The following MTMR8 variants were observed in gnomAD, a reference collection of about 807,000 sequenced individuals.
MTMR8 encodes the protein phosphatidylinositol-3,5-bisphosphate 3-phosphatase MTMR8.
MTMR8 carries 65 observed loss-of-function variants against 39.3 expected under a neutral mutation model. The observed-to-expected ratio is 1.65, with a 90% CI of 1.35 to 2.03. The LOEUF is 2.03. Ranked by LOEUF, MTMR8 falls within the 30% of genes most tolerant of loss-of-function variation. The probability of loss-of-function intolerance (pLI) is 0.00; values close to 1 mark genes in which losing one functional copy is unlikely to be tolerated. For synonymous variants in MTMR8, 245 were observed against 185.2 expected (o/e 1.32, Z -2.62); for missense variants, 777 against 538.9 (o/e 1.44, Z -4.37).
intron 12 of MTMR8, among the ~76,000 whole-genome samples, chrX:64,318,143 T>C (rs754662306): frequency 1.4e-4 from 16 of 112,245 alleles, no homozygotes; most frequent in African/African-American, 3.2e-4. Context: ...ACTTTCCATA[T>C]GGTCTCCACT....
intron 1 of MTMR8, among the ~76,000 whole-genome samples, chrX:64,362,718 T>C (rs1432875436): frequency 3.6e-5 from 4 of 110,264 alleles, no homozygotes; most frequent in Non-Finnish European, 5.7e-5. Flanking sequence ...TATCTATATG[T>C]AACTCTTACA....
In MTMR8 at chrX:64,352,375, C is replaced by T. The variant is rs774241778; in HGVS notation, c.469-2305G>A. 2.7e-5 allele frequency among the ~76,000 whole-genome samples: 3 copies of T among 111,442 alleles called. No homozygotes were observed. The East Asian group carries it at 8.5e-4, about 32-fold the overall frequency. On this transcript the variant is annotated intron_variant, in intron 4 of 13. Coordinates refer to ENST00000374852, the MANE Select transcript of MTMR8 (RefSeq NM_017677.4). ...TTTGGATCCTTTCACGGTAATAAAT[C>T]ACAGTCATAAGTATGACTATACACC... is the stretch of plus-strand genomic sequence containing the variant.
intron 1 of MTMR8, among the ~76,000 whole-genome samples, chrX:64,367,700 A>G: frequency 8.9e-6 from 1 of 112,184 alleles, no homozygotes; most frequent in Non-Finnish European, 1.9e-5. Context: ...AAACTGGCAC[A>G]ACACAGGGAT....
rs1173198667 is a variant in MTMR8, at chrX:64,302,039, C to G, written c.1481+26733G>C. The stretch of plus-strand genomic sequence containing the variant: ...TTTTTGTTTGTCTGTGCCCTGCCCC[C>G]AGAGGTGGAGCCTACAGAGGCAGGC... On this transcript the variant is annotated intron_variant, in intron 12 of 13. Transcript: ENST00000374852. Among the ~76,000 whole-genome samples the G allele has an allele frequency of 2.7e-5, 3 of 112,776 alleles. No individual in the cohort carries two copies. The East Asian group carries it at 8.4e-4, about 32-fold the overall frequency.
At chrX:64,384,239 C>T (rs1924502810) in intron 1 of MTMR8, among the ~76,000 whole-genome samples, 1 of 112,093 alleles carries the variant, frequency 8.9e-6, no homozygotes, top group Non-Finnish European at 1.9e-5. Flanking sequence ...TGCATCTCTG[C>T]CCCTGTGGTT....
intron 12 of MTMR8, among the ~76,000 whole-genome samples, chrX:64,307,667 A>T (rs755723663): frequency 3.9e-4 from 44 of 111,724 alleles, no homozygotes; most frequent in African/African-American, 1.4e-3. Context: ...AAATTGTCTT[A>T]GCTATTCTAC....
intron 12 of MTMR8, chrX:64,306,573 G>C (rs1922126463): frequency 8.6e-6 from 1 of 115,866 alleles, no homozygotes; most frequent in Admixed American, 9.5e-5. Flanking sequence ...AGTCTTCACA[G>C]GTATCTTCAT....
chrX:64,395,232 A>C, intron 1 of MTMR8, 108 bp downstream of exon 1: 1 of 828,047 alleles, frequency 1.2e-6, no homozygotes, highest in Non-Finnish European at 1.8e-6. Context: ...CCCCACAGGA[A>C]AGACGCGTCA....
At chrX:64,282,677 T>A (rs1002319556) in intron 12 of MTMR8, among the ~76,000 whole-genome samples, 4 of 111,448 alleles carry the variant, frequency 3.6e-5, no homozygotes, top group African/African-American at 1.3e-4. Flanking sequence ...AGCAATCTTA[T>A]ATCACAGATA....
At chrX:64,285,827 T>C (rs1278076068) in intron 12 of MTMR8, among the ~76,000 whole-genome samples, 1 of 109,672 alleles carries the variant, frequency 9.1e-6, no homozygotes, top group Non-Finnish European at 1.9e-5. Context: ...TTCAAAGCAG[T>C]GTGTAGAGGG....
At chrX:64,375,047 CAAAAAA>C (rs34716248) in intron 1 of MTMR8, among the ~76,000 whole-genome samples, 1 of 55,995 alleles carries the variant, frequency 1.8e-5, no homozygotes, top group African/African-American at 5.4e-5. Flanking sequence ...TTGTTTTAAG[CAAAAAA>C]AAAAAAAAAA....
Position 64,359,432 on chromosome X carries a change from A to G in MTMR8, c.120T>C (p.Ala40=). Residue 40 remains alanine (A), a synonymous_variant, in exon 2 of 14, where the codon GCT becomes GCC. Transcript: ENST00000374852. ...LTATHLIYVE[A]SGAARKETWI... ...ATGTTTCTTTCCGGGCTGCACCTGA[A>G]GCCTCCACATAGATCAGGTGGGTTG... 1 of 1,206,564 alleles carries G rather than the reference A, an allele frequency of 8.3e-7. No homozygotes were observed. Among genetic ancestry groups the G allele is most frequent in the Non-Finnish European group, 1.1e-6 (1 of 892,258 alleles).
At chrX:64,304,570 A>C (rs1414835804) in intron 12 of MTMR8, among the ~76,000 whole-genome samples, 1 of 110,382 alleles carries the variant, frequency 9.1e-6, no homozygotes, top group Non-Finnish European at 1.9e-5. Flanking sequence ...TACGGTTACA[A>C]GCCTTGAAGA....
chrX:64,336,207 C>T (rs1923069613), intron 9 of MTMR8, 79 bp from the exon 10 acceptor site: 1 of 691,748 alleles, frequency 1.4e-6, no homozygotes, highest in African/African-American at 2.2e-5. Context: ...AATGTCAAAA[C>T]ACTTTGCTGA....
chrX:64,288,272 C>G (rs1349930196), intron 12 of MTMR8, among the ~76,000 whole-genome samples: 1 of 110,856 alleles, frequency 9.0e-6, no homozygotes, highest in Non-Finnish European at 1.9e-5. Context: ...AAACAATGCT[C>G]ATCACCACTG....
rs367958013 is a variant in MTMR8 at position 64,348,098 on chromosome X, C to T, written c.732+562G>A. Among the ~76,000 whole-genome samples, 230 of 111,144 alleles carry T rather than the reference C, an allele frequency of 2.1e-3. 5 individuals carry two copies. The South Asian group carries it at 0.062, about 30-fold the overall frequency. Reference sequence around the variant, plus strand: ...AGATTTAAACTGCACTGTACTAAACCGGCAAAAATTTAATCAGCTAACAGT... The same window carrying T: ...AGATTTAAACTGCACTGTACTAAACTGGCAAAAATTTAATCAGCTAACAGT... On this transcript the variant is annotated intron_variant, in intron 6 of 13. Coordinates refer to ENST00000374852, the MANE Select transcript of MTMR8 (RefSeq NM_017677.4).
At chrX:64,281,509 T>G (rs1009958357) in intron 12 of MTMR8, among the ~76,000 whole-genome samples, 5 of 111,927 alleles carry the variant, frequency 4.5e-5, no homozygotes, top group Admixed American at 9.5e-5. Context: ...TGCAGAAAAC[T>G]GAAACTGGAC....
chrX:64,311,693 A>G (rs1922305447), intron 12 of MTMR8, among the ~76,000 whole-genome samples: 1 of 109,984 alleles, frequency 9.1e-6, no homozygotes, highest in African/African-American at 3.3e-5. Flanking sequence ...GAAGGGATCC[A>G]GTTTCAGCTT....
chrX:64,383,198 A>G (rs1408018983), intron 1 of MTMR8, among the ~76,000 whole-genome samples: 2 of 110,844 alleles, frequency 1.8e-5, no homozygotes, highest in Non-Finnish European at 3.8e-5. Flanking sequence ...GTCATTCTTA[A>G]AACTGTTTTC....
Sources: gnomAD v4.1 joint callset for allele counts (sites outside exome capture counted in the v4.1 genomes callset) on GRCh38, gnomAD v4.1.1 for gene constraint, MANE v1.5 for transcripts, NCBI Gene and HGNC (gene_info 2026-07-23, HGNC 2026-07-21) for gene names.